The following GALNT17 variants were observed in gnomAD, a reference collection of about 807,000 sequenced individuals.
GALNT17 encodes the protein polypeptide N-acetylgalactosaminyltransferase 17.
Under a neutral mutation model 63.7 loss-of-function variants are expected in GALNT17, and 29 were observed. The observed-to-expected ratio is 0.46, with a 90% CI of 0.34 to 0.62. GALNT17 has a LOEUF of 0.62. GALNT17 is among the 20% of genes least tolerant of loss of function. The pLI is 0.01. For missense variants in GALNT17, 603 were observed against 799.6 expected (o/e 0.75, Z 2.97); for synonymous variants, 305 against 318.3 (o/e 0.96, Z 0.45).
At chr7:71,328,632 C>T (rs1791745810) in intron 1 of GALNT17, among the ~76,000 whole-genome samples, 1 of 148,204 alleles carries the variant, frequency 6.7e-6, no homozygotes, top group Non-Finnish European at 1.5e-5. Flanking sequence ...AAAATAAGCA[C>T]GTTAAAATAC....
At chr7:71,154,646 G>A (rs1005013146) in intron 1 of GALNT17, among the ~76,000 whole-genome samples, 4 of 152,036 alleles carry the variant, frequency 2.6e-5, no homozygotes, top group Non-Finnish European at 5.9e-5. Flanking sequence ...GCACGATCTC[G>A]GCTCACTGCA....
At chr7:71,698,137 AAAAAGAAAAG>A (rs1562740796) in intron 9 of GALNT17, among the ~76,000 whole-genome samples, 1 of 151,218 alleles carries the variant, frequency 6.6e-6, no homozygotes, top group Admixed American at 6.6e-5. Flanking sequence ...AAAAAAAAAA[AAAAAGAAAAG>A]AAAAGAAAGA....
chr7:71,409,189 A>T (rs376744937), intron 3 of GALNT17, among the ~76,000 whole-genome samples: 17 of 152,204 alleles, frequency 1.1e-4, no homozygotes, highest in East Asian at 9.7e-4. Flanking sequence ...GCAGTGGGGA[A>T]AGTGGAGATG....
At chr7:71,203,150 A>G (rs569176508) in intron 1 of GALNT17, among the ~76,000 whole-genome samples, 5 of 152,246 alleles carry the variant, frequency 3.3e-5, no homozygotes, top group South Asian at 4.1e-4. Context: ...TTCAGTTCCA[A>G]TGGATATGTA....
At chr7:71,545,763 GTGGATTGT>G (rs1468560093) in intron 5 of GALNT17, among the ~76,000 whole-genome samples, 11 of 152,186 alleles carry the variant, frequency 7.2e-5, no homozygotes, top group South Asian at 2.1e-4. Flanking sequence ...CTTACTTACA[GTGGATTGT>G]TTCCTCATGT....
chr7:71,154,993 G>T lies in GALNT17; in HGVS notation c.238+21953G>T, dbSNP rs1458379689. On this transcript the variant is annotated intron_variant, in intron 1 of 10. Coordinates refer to ENST00000333538, the MANE Select transcript of GALNT17 (RefSeq NM_022479.3). ...AAAGTCTTGGATTTATATGCCATGG[G>T]TAGACTGTGATAACAGCCTGACTAT... is the stretch of plus-strand genomic sequence containing the variant. Among the ~76,000 whole-genome samples the T allele has an allele frequency of 2.6e-5, 4 of 151,850 alleles. No individual in the cohort carries two copies. The East Asian group carries it at 7.7e-4, about 29-fold the overall frequency.
At chr7:71,493,793 C>G (rs375949869) in intron 5 of GALNT17, among the ~76,000 whole-genome samples, 3 of 152,142 alleles carry the variant, frequency 2.0e-5, no homozygotes, top group South Asian at 2.1e-4. Context: ...TTCTCCTCAT[C>G]ATCCCATCTC....
At chr7:71,382,756 C>G (rs1229682841) in intron 2 of GALNT17, among the ~76,000 whole-genome samples, 1 of 151,966 alleles carries the variant, frequency 6.6e-6, no homozygotes, top group Non-Finnish European at 1.5e-5. Flanking sequence ...CATTCGGGTT[C>G]CCTAGAGAAA....
At chr7:71,565,987 G>A (rs1562693373) in intron 5 of GALNT17, among the ~76,000 whole-genome samples, 1 of 151,838 alleles carries the variant, frequency 6.6e-6, no homozygotes. Flanking sequence ...AGGATTACAG[G>A]TGCGTGCTAC....
At chr7:71,687,979 T>C (rs1056941625) in intron 9 of GALNT17, among the ~76,000 whole-genome samples, 3 of 152,118 alleles carry the variant, frequency 2.0e-5, no homozygotes, top group African/African-American at 7.2e-5. Flanking sequence ...ATTACAAGTA[T>C]GAGCCACTGC....
chr7:71,292,668 A>AGT (rs201057078), intron 1 of GALNT17, among the ~76,000 whole-genome samples: 796 of 67,452 alleles, frequency 0.012, 8 homozygotes, highest in African/African-American at 0.029. Flanking sequence ...AGAGAGAGAG[A>AGT]GTGTGTGTGT....
At chr7:71,664,982 T>C (rs1202949320) in intron 6 of GALNT17, among the ~76,000 whole-genome samples, 1 of 152,162 alleles carries the variant, frequency 6.6e-6, no homozygotes, top group East Asian at 1.9e-4. Flanking sequence ...TTTATTTATT[T>C]ATTTATTTGT....
chr7:71,190,412 CT>C, intron 1 of GALNT17, among the ~76,000 whole-genome samples: 1 of 152,176 alleles, frequency 6.6e-6, no homozygotes, highest in East Asian at 1.9e-4. Context: ...CTTGCTCTTG[CT>C]TTTGCCATGT....
intron 5 of GALNT17, among the ~76,000 whole-genome samples, chr7:71,429,816 C>G (rs972807820): frequency 2.0e-5 from 3 of 152,222 alleles, no homozygotes; most frequent in Non-Finnish European, 4.4e-5. Flanking sequence ...AAGCGATTCT[C>G]CTACTGCAGC....
intron 6 of GALNT17, among the ~76,000 whole-genome samples, chr7:71,643,833 G>A (rs967249152): frequency 2.0e-5 from 3 of 152,164 alleles, no homozygotes; most frequent in Non-Finnish European, 4.4e-5. Context: ...AAATTTAAAA[G>A]ACCATTTCCC....
chr7:71,187,114 T>C (rs1180928265), intron 1 of GALNT17, among the ~76,000 whole-genome samples: 2 of 152,058 alleles, frequency 1.3e-5, no homozygotes, highest in East Asian at 3.9e-4. Flanking sequence ...AGTAGATACT[T>C]AATTTTTTGT....
chr7:71,612,164 G>A (rs1790135213), intron 6 of GALNT17, among the ~76,000 whole-genome samples: 2 of 152,150 alleles, frequency 1.3e-5, no homozygotes, highest in African/African-American at 4.8e-5. Context: ...GACTATGAGA[G>A]CAAAGGAATT....
rs116911001 is a variant in GALNT17 at position 71,217,619 on chromosome 7, A to G, written c.238+84579A>G. 5.5e-4 allele frequency among the ~76,000 whole-genome samples: 83 copies of G among 152,200 alleles called. No homozygotes were observed. The East Asian group carries it at 0.015, about 27-fold the overall frequency. On this transcript the variant is annotated intron_variant, in intron 1 of 10. Coordinates refer to ENST00000333538, the MANE Select transcript of GALNT17 (RefSeq NM_022479.3). ...TTTTAAAGAAGTACCTAAGTCATGTACATAGTCGTTGTTAAAAAAATTCAG... is the reference window on the plus strand; with the variant it reads ...TTTTAAAGAAGTACCTAAGTCATGTGCATAGTCGTTGTTAAAAAAATTCAG...
At chr7:71,320,090 A>G (rs1791577138) in intron 1 of GALNT17, among the ~76,000 whole-genome samples, 1 of 152,164 alleles carries the variant, frequency 6.6e-6, no homozygotes, top group Admixed American at 6.5e-5. Context: ...GCAAATGATC[A>G]AGTCCAACAT....
Sources: gnomAD v4.1 joint callset for allele counts (sites outside exome capture counted in the v4.1 genomes callset) on GRCh38, gnomAD v4.1.1 for gene constraint, MANE v1.5 for transcripts, NCBI Gene and HGNC (gene_info 2026-07-23, HGNC 2026-07-21) for gene names.